WTAP: variants seen among roughly 807,000 people sequenced by gnomAD.
WTAP encodes WT1 associated protein, also known as pre-mRNA-splicing regulator WTAP.
In WTAP, 8 loss-of-function variants were observed where a neutral mutation model predicts 50.0. That is an observed-to-expected ratio of 0.16 (90% CI 0.09 to 0.29). WTAP has a LOEUF of 0.29. Ranked by LOEUF, WTAP falls within the 10% of genes least tolerant of loss-of-function variation. WTAP has a pLI of 1.00. For synonymous variants in WTAP, 194 were observed against 169.0 expected, an observed-to-expected ratio of 1.15 and a Z score of -1.15; for missense variants, 295 against 470.7, an observed-to-expected ratio of 0.63 and a Z score of 3.45.
At chr6:159,739,128 A>G in intron 3 of WTAP, 83 bp downstream of exon 3, 3 of 1,169,138 alleles carry the variant, frequency 2.6e-6, no homozygotes, top group Admixed American at 4.5e-5. Flanking sequence ...TTTGTGCCAG[A>G]TATTGTTTTT....
chr6:159,737,839 A>G (rs1336092662), intron 2 of WTAP, among the ~76,000 whole-genome samples: 3 of 152,170 alleles, frequency 2.0e-5, no homozygotes, highest in Non-Finnish European at 4.4e-5. Flanking sequence ...TACAGCCTTT[A>G]TTTGGTGTAG....
chr6:159,733,454 CAA>C (rs1019045647), intron 1 of WTAP, among the ~76,000 whole-genome samples: 1 of 71,976 alleles, frequency 1.4e-5, no homozygotes, highest in Non-Finnish European at 3.1e-5. Context: ...CTGTCTCTAC[CAA>C]AAAAAATTAC....
chr6:159,735,131 T>A (rs916339388), intron 1 of WTAP, among the ~76,000 whole-genome samples: 2 of 152,104 alleles, frequency 1.3e-5, no homozygotes, highest in South Asian at 2.1e-4. Flanking sequence ...GACATACATG[T>A]GTATGTGAGT....
chr6:159,748,918 G>T lies in WTAP; in HGVS notation c.452+549G>T, dbSNP rs1183292111. On this transcript the variant is annotated intron_variant, in intron 6 of 7. Transcript: ENST00000621533. This position sits in a 1 kb window ranked among gnomAD's most constrained non-coding sequence, Gnocchi z 5.6. ...TTCATGATTGTTGTTGAACTTCTGG[G>T]TCAAAACTCAAATGAGGTGAATTTT... 2 of 1,158,762 alleles carry T rather than the reference G, an allele frequency of 1.7e-6. No homozygotes were observed. Among genetic ancestry groups the T allele is most frequent in the Non-Finnish European group, 2.1e-6 (2 of 942,014 alleles). The allele number at this position is 1,158,762 out of a possible 1,614,324, so 71.8% of individuals were successfully genotyped here. A position where few individuals can be genotyped will look rare whatever the true frequency, so the allele number is the denominator to read the frequency against.
At chr6:159,754,360 A>C (rs1779928277) in intron 7 of WTAP, among the ~76,000 whole-genome samples, 1 of 152,176 alleles carries the variant, frequency 6.6e-6, no homozygotes, top group Non-Finnish European at 1.5e-5. Context: ...AGAGGACCAC[A>C]CTATCCTTAA....
upstream of WTAP, chr6:159,726,806 G>A: frequency 7.8e-7 from 1 of 1,289,220 alleles, no homozygotes; most frequent in Non-Finnish European, 1.0e-6. Flanking sequence ...TGCGCCTCAC[G>A]ACTGATGAGA....
chr6:159,739,902 C>A (rs1329779193), intron 3 of WTAP, among the ~76,000 whole-genome samples: 3 of 116,302 alleles, frequency 2.6e-5, no homozygotes, highest in African/African-American at 9.6e-5. Flanking sequence ...ATACCTTTGT[C>A]TTTCTGCACA....
In WTAP at chr6:159,753,497, C is replaced by A; in HGVS notation, c.490C>A (p.Leu164Ile). Residue 164 changes from leucine (L) to isoleucine (I), a missense_variant, in exon 7 of 8, where the codon CTT becomes ATT. Physicochemically the swap from Leu to Ile is conservative, Grantham distance 5. This residue lies in a region of WTAP where 120 missense variants were observed against 287.6 expected (regional missense o/e 0.42). Transcript: ENST00000621533. ...AAAGTTAATGGCGAAGTGTCGAATGCTTATCCAGGAGAATCAAGAGCTTGG... is the reference window on the plus strand; with the variant it reads ...AAAGTTAATGGCGAAGTGTCGAATGATTATCCAGGAGAATCAAGAGCTTGG... ...GKKLMAKCRM[L>I]IQENQELGRQ... 1 of 1,614,178 alleles carries A rather than the reference C, an allele frequency of 6.2e-7. No individual in the cohort carries two copies. Among genetic ancestry groups the A allele is most frequent in the Non-Finnish European group, 8.5e-7 (1 of 1,180,036 alleles).
At chr6:159,728,308 A>C (rs1345952682) in intron 1 of WTAP, among the ~76,000 whole-genome samples, 1 of 152,182 alleles carries the variant, frequency 6.6e-6, no homozygotes, top group African/African-American at 2.4e-5. Flanking sequence ...GTGTACACGT[A>C]ATGGAAAAGC....
chr6:159,755,880 TTA>T lies in WTAP; in HGVS notation c.*273_*274del, dbSNP rs1049402020. ...CATTTTGTGTAGGGTCAAGTTATTTTTATATGAGTTAATGTGAAATTGTAAAT... is the reference window on the plus strand; with the variant it reads ...CATTTTGTGTAGGGTCAAGTTATTTTTATGAGTTAATGTGAAATTGTAAAT... On this transcript the variant is annotated 3_prime_UTR_variant, in exon 8 of 8. Coordinates refer to ENST00000621533, the MANE Select transcript of WTAP (RefSeq NM_001270531.2). 9 of 410,074 alleles carry T rather than the reference TTA, an allele frequency of 2.2e-5. No individual in the cohort carries two copies. In the Admixed American group the frequency reaches 3.1e-4, roughly 14 times the overall value. 25.4% of individuals were successfully genotyped at this position (410,074 alleles called of 1,614,324 possible). A position where few individuals can be genotyped will look rare whatever the true frequency, so the allele number is the denominator to read the frequency against.
intron 1 of WTAP, 84 bp from the exon 2 acceptor site, chr6:159,736,171 ATTG>A: frequency 7.8e-7 from 1 of 1,288,738 alleles, no homozygotes; most frequent in African/African-American, 1.5e-5. Context: ...TCACTAATAA[ATTG>A]ATTTGAAAGA....
At chr6:159,747,479 A>G (rs1022698022) in intron 5 of WTAP, among the ~76,000 whole-genome samples, 4 of 152,210 alleles carry the variant, frequency 2.6e-5, no homozygotes, top group Admixed American at 6.5e-5. Context: ...TCAGAAGGGG[A>G]AAAATATGAA....
rs1189934011 is a variant in WTAP at position 159,755,404 on chromosome 6, C to T, written c.984C>T (p.Tyr328=). The T allele has an allele frequency of 6.2e-6, 10 of 1,614,148 alleles. No homozygotes were observed. Among genetic ancestry groups the T allele is most frequent in the East Asian group, 2.2e-5 (1 of 44,888 alleles). ...EERTGRGGSG[Y]VNQLSAGYES... ...GAACTGGCAGAGGAGGTAGTGGTTA[C>T]GTAAATCAACTCAGTGCGGGGTATG... The change falls in exon 8 of 8, where the codon TAC becomes TAT. Residue 328 remains tyrosine (Y), a synonymous_variant. Transcript: ENST00000621533.
chr6:159,749,237 T>C (rs2114948867), intron 6 of WTAP: 1 of 985,828 alleles, frequency 1.0e-6, no homozygotes, highest in African/African-American at 1.7e-5. Context: ...TGTATAAGGA[T>C]ATTAGCTGTG....
rs557967659 is a variant in WTAP at position 159,742,073 on chromosome 6, A to AT, written c.87-6dup. On this transcript the variant is annotated splice_polypyrimidine_tract_variant and intron_variant, in intron 3 of 7. Coordinates refer to ENST00000621533, the MANE Select transcript of WTAP (RefSeq NM_001270531.2). Reference sequence around the variant, plus strand: ...TTTTATCGTAACAACTAATGTATGGATTTTTTTTTATTAGATGGAAACAAT... The same window carrying AT: ...TTTTATCGTAACAACTAATGTATGGATTTTTTTTTTATTAGATGGAAACAAT... The AT allele has an allele frequency of 2.6e-3, 4,066 of 1,559,350 alleles. 70 individuals carry two copies. The African/African-American group carries it at 0.044, about 17-fold the overall frequency.
intron 1 of WTAP, among the ~76,000 whole-genome samples, chr6:159,730,670 G>A (rs1026245253): frequency 4.7e-4 from 71 of 152,340 alleles, no homozygotes; most frequent in Non-Finnish European, 1.8e-4. Context: ...TAAAGTTGAG[G>A]AAGGATTTTC....
At chr6:159,727,287 C>G (rs879590081), upstream of WTAP, 32 of 1,280,062 alleles carry the variant, frequency 2.5e-5, no homozygotes, top group African/African-American at 4.5e-4. Context: ...TGGCGGGGTT[C>G]GGCGGCGGGC....
rs1779993995 is a variant in WTAP at position 159,755,804 on chromosome 6, T to C, written c.*193T>C. The C allele has an allele frequency of 1.1e-6, 1 of 935,732 alleles. No individual in the cohort carries two copies. The highest frequency in any genetic ancestry group is 1.4e-6 in the Non-Finnish European group (1 of 714,254). The allele number at this position is 935,732 out of a possible 1,614,324, so 58.0% of individuals were successfully genotyped here. On this transcript the variant is annotated 3_prime_UTR_variant, in exon 8 of 8. Transcript: ENST00000621533. ...TTTTTTTTTTTTGCTTCAATACTTC[T>C]GCCGCTTTGGAAATTGTAACAGTTA...
At chr6:159,745,437 C>CTTT (rs34144985) in intron 5 of WTAP, among the ~76,000 whole-genome samples, 1 of 145,192 alleles carries the variant, frequency 6.9e-6, no homozygotes, top group African/African-American at 2.5e-5. Context: ...CCTTTTCCAG[C>CTTT]TTTTTTTTTT....
Sources: gnomAD v4.1 joint callset for allele counts (sites outside exome capture counted in the v4.1 genomes callset) on GRCh38, gnomAD v4.1.1 for gene constraint, gnomAD v4.1.1 regional missense constraint, Gnocchi (gnomAD v3.1) non-coding constraint, MANE v1.5 for transcripts, NCBI Gene and HGNC (gene_info 2026-07-23, HGNC 2026-07-21) for gene names.